POTEI: variants seen among roughly 807,000 people sequenced by gnomAD.
POTEI encodes POTE ankyrin domain family, member I.
In POTEI, 14 loss-of-function variants were observed where a neutral mutation model predicts 43.4. The ratio of observed to expected loss-of-function variants is 0.32; its 90% CI spans 0.21 to 0.50. The LOEUF (loss-of-function observed/expected upper bound fraction) is 0.50, where lower values mean the gene tolerates loss of function less well. Ranked by LOEUF, POTEI falls within the 20% of genes least tolerant of loss-of-function variation. The probability of loss-of-function intolerance (pLI) is 0.98; values close to 1 mark genes in which losing one functional copy is unlikely to be tolerated. For synonymous variants in POTEI, 95 were observed against 297.9 expected (o/e 0.32, Z 7.01); for missense variants, 235 against 795.4 (o/e 0.30, Z 8.47).
In POTEI at chr2:130,507,285, T is replaced by C. The variant is rs1423994844; in HGVS notation, c.521+1430A>G. ...CCAAAAAAAAAAGGATATATATATA[T>C]ATATATATATATATATATATATATA... On this transcript the variant is annotated intron_variant, in intron 1 of 14. Coordinates refer to ENST00000451531, the MANE Select transcript of POTEI (RefSeq NM_001277406.2). Among the ~76,000 whole-genome samples, 68 of 6,640 alleles carry C rather than the reference T, an allele frequency of 0.01. 10 individuals are homozygous for C. In the Non-Finnish European group the frequency reaches 0.13, roughly 13 times the overall value. 4.4% of individuals were successfully genotyped at this position (6,640 alleles called of 152,430 possible). A position where few individuals can be genotyped will look rare whatever the true frequency, so the allele number is the denominator to read the frequency against.
chr2:130,507,406 GTA>G (rs1684217790), intron 1 of POTEI, among the ~76,000 whole-genome samples: 2 of 1,156 alleles, frequency 1.7e-3, no homozygotes, highest in East Asian at 0.12. Flanking sequence ...GTATATATGT[GTA>G]TATATATGTA....
intron 14 of POTEI, among the ~76,000 whole-genome samples, chr2:130,464,670 T>A (rs902412595): frequency 6.6e-6 from 1 of 151,584 alleles, no homozygotes; most frequent in African/African-American, 2.4e-5. Flanking sequence ...TCTACATTTC[T>A]AATATTTCTA....
rs775546597 is a variant in POTEI, at chr2:130,508,962, T to G, written c.274A>C (p.Lys92Gln). 65 of 1,592,508 alleles carry G rather than the reference T, an allele frequency of 4.1e-5. No homozygotes were observed. Among genetic ancestry groups the G allele is most frequent in the Non-Finnish European group, 5.5e-5 (65 of 1,171,474 alleles). ...TSGDHDDSAM[K>Q]TLRSKMGKWC... ...TTGCCCATCTTGCTCCTGAGCGTCTTCATAGCGGAGTCGTCGTGGTCTCCA... is the reference window on the plus strand; with the variant it reads ...TTGCCCATCTTGCTCCTGAGCGTCTGCATAGCGGAGTCGTCGTGGTCTCCA... The change falls in exon 1 of 15, where the codon AAG becomes CAG. Residue 92 changes from lysine (K) to glutamine (Q), a missense_variant. Transcript: ENST00000451531.
Position 130,488,028 on chromosome 2 carries a change from T to G in POTEI, c.1409+4A>C. ...TCTCCTGTTCAATGTTGCCATAGGC[T>G]TACCTGTGATACTCTTCACTTTCGT... On this transcript the variant is annotated splice_donor_region_variant and intron_variant, in intron 9 of 14. Coordinates refer to ENST00000451531, the MANE Select transcript of POTEI (RefSeq NM_001277406.2). 5 of 504,032 alleles carry G rather than the reference T, an allele frequency of 9.9e-6. 1 individual carries two copies. The highest frequency in any genetic ancestry group is 1.7e-5 in the Non-Finnish European group (5 of 288,776). The allele number at this position is 504,032 out of a possible 1,614,324, so 31.2% of individuals were successfully genotyped here. A position where few individuals can be genotyped will look rare whatever the true frequency, so the allele number is the denominator to read the frequency against.
At chr2:130,509,462 C>T (rs1490345915), upstream of POTEI, 5 of 295,694 alleles carry the variant, frequency 1.7e-5, 2 homozygotes, top group African/African-American at 3.4e-4. Context: ...CCAACCCCCC[C>T]CCCCAAGAAA....
chr2:130,475,081 A>C lies in POTEI; in HGVS notation c.1552-130T>G, dbSNP rs571082872. 1,712 of 648,462 alleles carry C rather than the reference A, an allele frequency of 2.6e-3. 50 individuals are homozygous for C. The African/African-American group carries it at 0.037, about 14-fold the overall frequency. 40.2% of individuals were successfully genotyped at this position (648,462 alleles called of 1,614,324 possible). On this transcript the variant is annotated intron_variant, in intron 11 of 14. Coordinates refer to ENST00000451531, the MANE Select transcript of POTEI (RefSeq NM_001277406.2). ...TATGGACAATAAAAATTAGAAAGTA[A>C]TTAAAATTAAACTGTTTAAATAAAT...
At position 130,461,377 on chromosome 2, in the gene POTEI, A is replaced by T. The variant is rs1438999513; in HGVS notation, c.*1439T>A. On this transcript the variant is annotated 3_prime_UTR_variant, in exon 15 of 15. Coordinates refer to ENST00000451531, the MANE Select transcript of POTEI (RefSeq NM_001277406.2). ...CTGAGACCTCTGTCGGCCAGAGAAC[A>T]GCAGTCAAGGTAGCCAGAGACCCTG... 1.3e-5 allele frequency: 2 copies of T among 152,044 alleles called. No homozygotes were observed. Among genetic ancestry groups the T allele is most frequent in the Non-Finnish European group, 2.9e-5 (2 of 68,056 alleles). The allele number at this position is 152,044 out of a possible 1,614,324, so 9.4% of individuals were successfully genotyped here.
intron 8 of POTEI, among the ~76,000 whole-genome samples, chr2:130,488,543 G>GT (rs1683648707): frequency 8.8e-6 from 1 of 114,242 alleles, no homozygotes; most frequent in Non-Finnish European, 1.8e-5. Context: ...ATGGGAACAC[G>GT]CAAATAAAAA....
At position 130,509,250 on chromosome 2, in the gene POTEI, C is replaced by CT. The variant is rs1185003575; in HGVS notation, c.-16dup. On this transcript the variant is annotated 5_prime_UTR_variant, in exon 1 of 15. Coordinates refer to ENST00000451531, the MANE Select transcript of POTEI (RefSeq NM_001277406.2). ...TCAGCTACCATCTGCTTTTAACAGC[C>CT]TGGGGAGGCCGGTAGTAGCGAGCAG... 2 of 1,237,784 alleles carry CT rather than the reference C, an allele frequency of 1.6e-6. No individual in the cohort carries two copies. Among genetic ancestry groups the CT allele is most frequent in the Admixed American group, 4.5e-5 (2 of 44,054 alleles). The allele number at this position is 1,237,784 out of a possible 1,614,324, so 76.7% of individuals were successfully genotyped here. A position where few individuals can be genotyped will look rare whatever the true frequency, so the allele number is the denominator to read the frequency against.
chr2:130,476,153 A>C (rs1683182486), intron 11 of POTEI, among the ~76,000 whole-genome samples: 1 of 21,552 alleles, frequency 4.6e-5, no homozygotes, highest in African/African-American at 1.4e-4. Flanking sequence ...TCTGTTAAGA[A>C]GGTTGCTGAT....
intron 1 of POTEI, among the ~76,000 whole-genome samples, chr2:130,507,425 TA>T (rs1684220378): frequency 8.4e-6 from 1 of 119,058 alleles, no homozygotes; most frequent in Non-Finnish European, 1.7e-5. Flanking sequence ...TGTATATATA[TA>T]TATATCTGCG....
intron 6 of POTEI, among the ~76,000 whole-genome samples, chr2:130,493,252 A>G (rs1441656850): frequency 3.7e-5 from 3 of 80,342 alleles, no homozygotes; most frequent in Non-Finnish European, 8.2e-5. Flanking sequence ...CATGGAGAGT[A>G]TCATTCCCTA....
intron 13 of POTEI, among the ~76,000 whole-genome samples, chr2:130,468,832 T>A (rs1437203156): frequency 1.3e-5 from 2 of 152,242 alleles, no homozygotes; most frequent in African/African-American, 4.8e-5. Flanking sequence ...ACTTTTAACC[T>A]ATTCAGTCAA....
In POTEI at chr2:130,460,321, C is replaced by T. The variant is rs1244473645; in HGVS notation, c.*2495G>A. On this transcript the variant is annotated 3_prime_UTR_variant, in exon 15 of 15. Transcript: ENST00000451531. ...AAAGTGAACCCCCAGCACAGCACAG[C>T]CGCTCTACACAAACGTGGCTAGACT... The T allele has an allele frequency of 1.3e-5, 2 of 151,730 alleles. No homozygotes were observed. The highest frequency in any genetic ancestry group is 2.9e-5 in the Non-Finnish European group (2 of 68,002). 9.4% of individuals were successfully genotyped at this position (151,730 alleles called of 1,614,324 possible).
intron 6 of POTEI, among the ~76,000 whole-genome samples, chr2:130,493,145 A>C (rs1683811279): frequency 1.3e-5 from 1 of 76,038 alleles, no homozygotes; most frequent in Non-Finnish European, 2.8e-5. Context: ...CAGAACTATG[A>C]CATGAAGTCA....
chr2:130,482,446 C>T (rs913017275), intron 9 of POTEI, among the ~76,000 whole-genome samples: 2 of 150,166 alleles, frequency 1.3e-5, no homozygotes, highest in African/African-American at 2.5e-5. Context: ...GACTACGCTG[C>T]CTTATTTTAC....
chr2:130,477,579 G>C lies in POTEI; in HGVS notation c.1481-878C>G, dbSNP rs575748778. On this transcript the variant is annotated intron_variant, in intron 10 of 14. Coordinates refer to ENST00000451531, the MANE Select transcript of POTEI (RefSeq NM_001277406.2). ...CTACTGCATCTTGACCACCTAAACT[G>C]TACATTATTCCTCCACATGTCTGTC... Among the ~76,000 whole-genome samples the C allele has an allele frequency of 1.8e-4, 27 of 148,578 alleles. No individual in the cohort carries two copies. In the East Asian group the frequency reaches 5.4e-3, roughly 30 times the overall value.
chr2:130,504,667 T>A (rs1376035724), intron 1 of POTEI, among the ~76,000 whole-genome samples: 4 of 132,622 alleles, frequency 3.0e-5, no homozygotes, highest in African/African-American at 1.1e-4. Context: ...AACTATGGAA[T>A]AAGAGAGCAG....
At chr2:130,467,687 A>C (rs1414400900) in intron 13 of POTEI, among the ~76,000 whole-genome samples, 4 of 152,140 alleles carry the variant, frequency 2.6e-5, no homozygotes, top group Non-Finnish European at 4.4e-5. Context: ...CAACTTATAC[A>C]ATGGGAAAAT....
Sources: allele counts gnomAD v4.1 joint callset (sites outside exome capture counted in the v4.1 genomes callset), GRCh38; gene constraint gnomAD v4.1.1; transcripts MANE v1.5; gene names NCBI Gene and HGNC (gene_info 2026-07-23, HGNC 2026-07-21).